The following AFG2A variants were observed in gnomAD, a reference collection of about 807,000 sequenced individuals.
AFG2A encodes AAA ATPase AFG2A.
At chr4:123,259,740 T>C in the AFG2A span, among the ~76,000 whole-genome samples, 3 of 152,174 alleles carry the variant, frequency 2.0e-5, no homozygotes, top group East Asian at 5.8e-4. Flanking sequence ...GTTTTATCTG[T>C]AACAGAAAAT....
the AFG2A span, among the ~76,000 whole-genome samples, chr4:123,279,436 A>G: frequency 6.6e-6 from 1 of 152,028 alleles, no homozygotes; most frequent in Non-Finnish European, 1.5e-5. Context: ...AAGCTTTTAT[A>G]GAACTAATGT....
the AFG2A span, among the ~76,000 whole-genome samples, chr4:123,106,864 G>T: frequency 2.6e-5 from 4 of 152,248 alleles, no homozygotes; most frequent in Non-Finnish European, 4.4e-5. Flanking sequence ...AAGGGCGAGC[G>T]AGGCGTGGAG....
chr4:123,096,214 A>G, the AFG2A span, among the ~76,000 whole-genome samples: 1 of 149,484 alleles, frequency 6.7e-6, no homozygotes, highest in Admixed American at 6.6e-5. Context: ...GAGAAGTTGA[A>G]GTTGAGTCCT....
the AFG2A span, among the ~76,000 whole-genome samples, chr4:123,139,649 C>T: frequency 1.3e-5 from 2 of 151,988 alleles, no homozygotes; most frequent in East Asian, 1.9e-4. Flanking sequence ...ATTGATAAAG[C>T]AATACCTGGA....
chr4:122,995,783 G>A, the AFG2A span, among the ~76,000 whole-genome samples: 9 of 152,128 alleles, frequency 5.9e-5, no homozygotes, highest in Non-Finnish European at 1.0e-4. Flanking sequence ...ATTATGCTAC[G>A]CTTCTTTGTA....
the AFG2A span, among the ~76,000 whole-genome samples, chr4:123,142,906 G>A: frequency 1.1e-4 from 16 of 152,004 alleles, no homozygotes; most frequent in Admixed American, 8.5e-4. Context: ...GCCTTGAGAC[G>A]CAATAGCTAT....
At chr4:123,017,138 G>A in the AFG2A span, among the ~76,000 whole-genome samples, 2 of 104,028 alleles carry the variant, frequency 1.9e-5, no homozygotes, top group Non-Finnish European at 4.3e-5. Context: ...GAGACCGTGG[G>A]GAGAGGGAGA....
At chr4:123,094,033 A>G in the AFG2A span, among the ~76,000 whole-genome samples, 111,044 of 152,016 alleles carry the variant, frequency 0.73, 41,113 homozygotes, top group East Asian at 0.97. Context: ...GCAGCGACTT[A>G]CAAGAAACAG....
At chr4:123,105,081 G>A in the AFG2A span, among the ~76,000 whole-genome samples, 1 of 152,124 alleles carries the variant, frequency 6.6e-6, no homozygotes, top group East Asian at 1.9e-4. Context: ...TTAATGCCTG[G>A]CTTCACGCTT....
At chr4:123,124,900 A>G in the AFG2A span, among the ~76,000 whole-genome samples, 1 of 152,240 alleles carries the variant, frequency 6.6e-6, no homozygotes, top group African/African-American at 2.4e-5. Flanking sequence ...AAAATGTAAC[A>G]TAAAATTAAG....
the AFG2A span, among the ~76,000 whole-genome samples, chr4:122,953,060 T>C: frequency 2.6e-5 from 4 of 152,178 alleles, no homozygotes; most frequent in African/African-American, 7.2e-5. Flanking sequence ...GGCTAACTCC[T>C]TAACAATCCC....
At chr4:123,123,139 A>C in the AFG2A span, among the ~76,000 whole-genome samples, 1 of 152,208 alleles carries the variant, frequency 6.6e-6, no homozygotes, top group Non-Finnish European at 1.5e-5. Flanking sequence ...TGTTCATATA[A>C]GAGACTAGAG....
the AFG2A span, among the ~76,000 whole-genome samples, chr4:123,060,046 A>C: frequency 6.6e-6 from 1 of 152,196 alleles, no homozygotes; most frequent in Non-Finnish European, 1.5e-5. Flanking sequence ...AAGCTTCAAA[A>C]TGATCTCCTT....
chr4:123,049,090 C>T, the AFG2A span, among the ~76,000 whole-genome samples: 5 of 151,832 alleles, frequency 3.3e-5, no homozygotes, highest in Non-Finnish European at 7.4e-5. Context: ...TGAATTTTAC[C>T]CAGTTTTTTC....
the AFG2A span, among the ~76,000 whole-genome samples, chr4:123,036,623 A>G: frequency 6.6e-6 from 1 of 152,160 alleles, no homozygotes. Flanking sequence ...AGGGGATTTC[A>G]TGGGCATGTA....
At chr4:123,160,796 T>A in the AFG2A span, among the ~76,000 whole-genome samples, 2 of 152,166 alleles carry the variant, frequency 1.3e-5, no homozygotes, top group African/African-American at 4.8e-5. Flanking sequence ...AACCATGGGT[T>A]ATATTAACTG....
At chr4:123,117,124 G>T in the AFG2A span, among the ~76,000 whole-genome samples, 1 of 152,060 alleles carries the variant, frequency 6.6e-6, no homozygotes, top group African/African-American at 2.4e-5. Flanking sequence ...ATGGGCATTA[G>T]TTAATTTGTA....
chr4:123,182,017 T>C, the AFG2A span, among the ~76,000 whole-genome samples: 1 of 152,212 alleles, frequency 6.6e-6, no homozygotes, highest in African/African-American at 2.4e-5. Context: ...TGCTACTTAC[T>C]AGACTCTCTG....
At chr4:123,046,449 T>G in the AFG2A span, among the ~76,000 whole-genome samples, 1 of 152,244 alleles carries the variant, frequency 6.6e-6, no homozygotes, top group Non-Finnish European at 1.5e-5. Flanking sequence ...ATACATTTTT[T>G]ATTTTAATCA....
Sources: gnomAD v4.1 joint callset for allele counts (sites outside exome capture counted in the v4.1 genomes callset) on GRCh38, gnomAD v4.1.1 for gene constraint, MANE v1.5 for transcripts, NCBI Gene and HGNC (gene_info 2026-07-23, HGNC 2026-07-21) for gene names.